Variants in C1orf21 observed in about 807,000 individuals in gnomAD.
The protein encoded by C1orf21 is chromosome 1 open reading frame 21, also known as uncharacterized protein C1orf21.
A neutral mutation model predicts 18.7 loss-of-function variants in C1orf21; 3 were observed. The observed-to-expected ratio is 0.16, with a 90% CI of 0.07 to 0.42. C1orf21 has a LOEUF of 0.42. C1orf21 is among the 10% of genes least tolerant of loss of function. C1orf21 has a pLI of 0.99. For missense variants in C1orf21, 104 were observed against 143.6 expected (o/e 0.72, Z 1.41); for synonymous variants, 41 against 46.4 (o/e 0.88, Z 0.47).
chr1:184,577,094 A>G (rs562667277), intron 3 of C1orf21, among the ~76,000 whole-genome samples: 5 of 151,838 alleles, frequency 3.3e-5, no homozygotes, highest in Admixed American at 1.3e-4. Context: ...CACGGAACCT[A>G]TAAATATATT....
At chr1:184,587,719 G>A (rs572031287) in intron 3 of C1orf21, among the ~76,000 whole-genome samples, 61 of 148,638 alleles carry the variant, frequency 4.1e-4, no homozygotes, top group Non-Finnish European at 7.4e-4. Flanking sequence ...GGTCATGATC[G>A]ATTCTCCTGC....
intron 5 of C1orf21, among the ~76,000 whole-genome samples, chr1:184,609,708 A>C (rs1403574220): frequency 6.6e-6 from 1 of 152,206 alleles, no homozygotes; most frequent in African/African-American, 2.4e-5. Flanking sequence ...TTCCACAAAA[A>C]ATTATGATAT....
At chr1:184,537,556 G>A (rs544814332) in intron 3 of C1orf21, among the ~76,000 whole-genome samples, 2 of 152,310 alleles carry the variant, frequency 1.3e-5, no homozygotes, top group South Asian at 4.1e-4. Context: ...GTCAGTAGAA[G>A]CTAGAGTTGT....
In C1orf21 at chr1:184,461,913, G is replaced by A. The variant is rs112563227; in HGVS notation, c.-124-15473G>A. Among the ~76,000 whole-genome samples, 165 of 152,156 alleles carry A rather than the reference G, an allele frequency of 1.1e-3. 2 individuals are homozygous for A. Among genetic ancestry groups the A allele is most frequent in the African/African-American group, 3.9e-3 (163 of 41,526 alleles). Reference sequence around the variant, plus strand: ...CTGACCTTCACCACTGGGTAGAGAAGGAAAACCAGTAAAACATCTCTATTC... The same window carrying A: ...CTGACCTTCACCACTGGGTAGAGAAAGAAAACCAGTAAAACATCTCTATTC... On this transcript the variant is annotated intron_variant, in intron 1 of 5. Transcript: ENST00000235307.
chr1:184,545,483 A>G (rs904280478), intron 3 of C1orf21, among the ~76,000 whole-genome samples: 10 of 151,978 alleles, frequency 6.6e-5, no homozygotes, highest in African/African-American at 2.4e-4. Context: ...CCCTTTCCAT[A>G]GGGAGAAATT....
chr1:184,476,034 T>C (rs1218151827), intron 1 of C1orf21, among the ~76,000 whole-genome samples: 6 of 152,218 alleles, frequency 3.9e-5, no homozygotes, highest in Non-Finnish European at 8.8e-5. Flanking sequence ...TTGTATTTGC[T>C]TGGCTTAATT....
At chr1:184,557,714 A>G (rs1658898370) in intron 3 of C1orf21, among the ~76,000 whole-genome samples, 1 of 152,198 alleles carries the variant, frequency 6.6e-6, no homozygotes, top group African/African-American at 2.4e-5. Context: ...GCTCAATTTA[A>G]AACCTCATTC....
At chr1:184,469,549 T>C (rs906677975) in intron 1 of C1orf21, among the ~76,000 whole-genome samples, 3 of 152,210 alleles carry the variant, frequency 2.0e-5, no homozygotes, top group African/African-American at 7.2e-5. Context: ...TTTTTTGTCA[T>C]CTGGCACCAT....
intron 3 of C1orf21, among the ~76,000 whole-genome samples, chr1:184,587,376 G>A (rs1165900244): frequency 2.6e-5 from 4 of 151,570 alleles, no homozygotes; most frequent in Non-Finnish European, 4.4e-5. Flanking sequence ...ATTGCTTTGG[G>A]TAGTATGGCC....
At chr1:184,603,625 T>C (rs1659613052) in intron 5 of C1orf21, among the ~76,000 whole-genome samples, 1 of 152,110 alleles carries the variant, frequency 6.6e-6, no homozygotes, top group African/African-American at 2.4e-5. Flanking sequence ...TGAAACCCTG[T>C]CTATACTAAA....
At chr1:184,586,216 T>A (rs192621350) in intron 3 of C1orf21, among the ~76,000 whole-genome samples, 1 of 152,206 alleles carries the variant, frequency 6.6e-6, no homozygotes, top group Non-Finnish European at 1.5e-5. Context: ...ATGTTAAACT[T>A]TTTTTCATAT....
chr1:184,443,204 C>T (rs1169118928), intron 1 of C1orf21, among the ~76,000 whole-genome samples: 1 of 152,112 alleles, frequency 6.6e-6, no homozygotes, highest in African/African-American at 2.4e-5. Flanking sequence ...TCCTTGCGTG[C>T]AAATTTATTT....
At chr1:184,531,022 A>T (rs1658455440) in intron 3 of C1orf21, among the ~76,000 whole-genome samples, 1 of 152,122 alleles carries the variant, frequency 6.6e-6, no homozygotes, top group Admixed American at 6.6e-5. Flanking sequence ...CTGTTTTCTC[A>T]TTAGAATTGG....
At chr1:184,451,308 C>T (rs748507587) in intron 1 of C1orf21, among the ~76,000 whole-genome samples, 1 of 151,434 alleles carries the variant, frequency 6.6e-6, no homozygotes, top group Non-Finnish European at 1.5e-5. Context: ...TTTATTTTTT[C>T]GGGACAAGGT....
At chr1:184,410,323 T>C (rs1470521705) in intron 1 of C1orf21, among the ~76,000 whole-genome samples, 2 of 151,956 alleles carry the variant, frequency 1.3e-5, no homozygotes, top group Non-Finnish European at 1.5e-5. Context: ...TTTTATACTT[T>C]TGTCCTAACT....
chr1:184,449,192 C>T (rs1657080180), intron 1 of C1orf21, among the ~76,000 whole-genome samples: 1 of 151,490 alleles, frequency 6.6e-6, no homozygotes. Context: ...AATGCTATCC[C>T]TCCCCCTTCC....
At chr1:184,617,175 A>C (rs1323233178) in intron 5 of C1orf21, among the ~76,000 whole-genome samples, 1 of 152,034 alleles carries the variant, frequency 6.6e-6, no homozygotes, top group South Asian at 2.1e-4. Context: ...CCTGACCATA[A>C]CCCTATGGGA....
chr1:184,532,393 T>C (rs1658476291), intron 3 of C1orf21, among the ~76,000 whole-genome samples: 1 of 152,212 alleles, frequency 6.6e-6, no homozygotes, highest in African/African-American at 2.4e-5. Context: ...AGTAGTGTTA[T>C]TAAGTTCAAA....
chr1:184,465,560 C>T (rs187835457), intron 1 of C1orf21, among the ~76,000 whole-genome samples: 2 of 152,178 alleles, frequency 1.3e-5, no homozygotes, highest in East Asian at 3.9e-4. Context: ...TTTTTATCGG[C>T]CTGTTCCTGG....
Sources: gnomAD v4.1 joint callset for allele counts (sites outside exome capture counted in the v4.1 genomes callset) on GRCh38, gnomAD v4.1.1 for gene constraint, MANE v1.5 for transcripts, NCBI Gene and HGNC (gene_info 2026-07-23, HGNC 2026-07-21) for gene names.